SMYD3: variants seen among roughly 807,000 people sequenced by gnomAD.
SMYD3 encodes the protein SET and MYND domain containing 3.
SMYD3 carries 36 observed loss-of-function variants against 57.7 expected under a neutral mutation model. The observed-to-expected ratio is 0.62, with a 90% CI of 0.48 to 0.82. SMYD3 has a LOEUF of 0.82. Among genes scored for constraint, SMYD3 ranks in the 40% least tolerant of loss-of-function variants. The pLI is 0.00. For missense variants in SMYD3, 515 were observed against 538.8 expected, an observed-to-expected ratio of 0.96 and a Z score of 0.44; for synonymous variants, 211 against 195.0, an observed-to-expected ratio of 1.08 and a Z score of -0.68.
At chr1:246,108,536 A>G (rs932151869) in intron 5 of SMYD3, 1 of 152,190 alleles carries the variant, frequency 6.6e-6, no homozygotes, top group African/African-American at 2.4e-5. Flanking sequence ...TTCTGACATC[A>G]CAATCACTGC....
chr1:246,078,087 A>G (rs972346168), intron 5 of SMYD3, among the ~76,000 whole-genome samples: 2 of 152,140 alleles, frequency 1.3e-5, no homozygotes, highest in Admixed American at 6.5e-5. Flanking sequence ...TTGAAATAAT[A>G]TAAGTGCTCT....
chr1:246,490,001 C>CT (rs71968916), intron 1 of SMYD3, among the ~76,000 whole-genome samples: 59 of 92,286 alleles, frequency 6.4e-4, no homozygotes, highest in South Asian at 1.5e-3. Context: ...TAATTTTTTC[C>CT]TTTTTTTTTT....
At chr1:246,284,267 A>C (rs1308990651) in intron 5 of SMYD3, among the ~76,000 whole-genome samples, 1 of 152,178 alleles carries the variant, frequency 6.6e-6, no homozygotes, top group Admixed American at 6.5e-5. Flanking sequence ...CAGAACAAAG[A>C]AAGCAGCAGG....
At chr1:245,780,388 A>G (rs907647871) in intron 10 of SMYD3, among the ~76,000 whole-genome samples, 1 of 152,236 alleles carries the variant, frequency 6.6e-6, no homozygotes, top group Non-Finnish European at 1.5e-5. Flanking sequence ...ATGAACTTTA[A>G]AAACATTATG....
rs139162707 is a variant in SMYD3, at chr1:245,955,183, C to T, written c.532-25246G>A. ...CTCAGCTCACTGCAAGTTCCGCCTC[C>T]CGGGTTCACGCCATTCTCCTGCCTC... On this transcript the variant is annotated intron_variant, in intron 5 of 11. Coordinates refer to ENST00000490107, the MANE Select transcript of SMYD3 (RefSeq NM_001167740.2). Among the ~76,000 whole-genome samples the T allele has an allele frequency of 6.8e-3, 1,036 of 152,274 alleles. 19 individuals are homozygous for T. The highest frequency in any genetic ancestry group is 0.023 in the African/African-American group (971 of 41,556).
intron 5 of SMYD3, among the ~76,000 whole-genome samples, chr1:246,324,086 C>T (rs535389045): frequency 6.6e-6 from 1 of 152,244 alleles, no homozygotes; most frequent in Admixed American, 6.5e-5. Flanking sequence ...TAGAAAAGCT[C>T]TCAGAATTCC....
intron 1 of SMYD3, among the ~76,000 whole-genome samples, chr1:246,445,866 C>CA (rs1215880316): frequency 2.0e-3 from 267 of 135,188 alleles, no homozygotes; most frequent in Admixed American, 4.1e-3. Context: ...AAAAAAAAAA[C>CA]AAAAAAAAAA....
chr1:245,951,176 T>C (rs6689875), intron 5 of SMYD3, among the ~76,000 whole-genome samples: 30,898 of 151,414 alleles, frequency 0.2, 4,440 homozygotes, highest in East Asian at 0.47. Context: ...GATGGATAAT[T>C]TAAAATACCA....
intron 5 of SMYD3, among the ~76,000 whole-genome samples, chr1:246,231,635 A>G (rs1012878464): frequency 1.3e-5 from 2 of 152,228 alleles, no homozygotes; most frequent in Admixed American, 1.3e-4. Context: ...ATTTCATAAT[A>G]TCCTAGAGAT....
chr1:245,835,474 G>T (rs2148399687), intron 10 of SMYD3, among the ~76,000 whole-genome samples: 1 of 152,264 alleles, frequency 6.6e-6, no homozygotes, highest in South Asian at 2.1e-4. Context: ...GTAAAATGGG[G>T]ATAAAAATAC....
intron 10 of SMYD3, among the ~76,000 whole-genome samples, chr1:245,767,257 G>A (rs1159674033): frequency 1.3e-5 from 2 of 152,186 alleles, no homozygotes; most frequent in African/African-American, 4.8e-5. Flanking sequence ...GCAATCAGGT[G>A]TGTCCAAGGA....
At chr1:245,833,785 G>A (rs1040376337) in intron 10 of SMYD3, among the ~76,000 whole-genome samples, 23 of 152,198 alleles carry the variant, frequency 1.5e-4, no homozygotes, top group African/African-American at 2.4e-4. Context: ...CAACCTCAGC[G>A]TCCTGGCCAG....
At chr1:246,154,790 T>G (rs1009278929) in intron 5 of SMYD3, among the ~76,000 whole-genome samples, 7 of 132,744 alleles carry the variant, frequency 5.3e-5, no homozygotes, top group Non-Finnish European at 8.2e-5. Context: ...TTGTTTTTTG[T>G]TTTTTTTTTG....
At chr1:246,030,742 C>G (rs34465753) in intron 5 of SMYD3, among the ~76,000 whole-genome samples, 36,632 of 151,942 alleles carry the variant, frequency 0.24, 4,855 homozygotes, top group East Asian at 0.56. Context: ...TCACATAGAT[C>G]ATAAATACAA....
intron 5 of SMYD3, among the ~76,000 whole-genome samples, chr1:246,092,335 A>C (rs1038375772): frequency 1.3e-5 from 2 of 152,338 alleles, no homozygotes; most frequent in African/African-American, 4.8e-5. Context: ...ACCACAGGAG[A>C]ACTAGAAATA....
chr1:246,236,622 G>A (rs2063516459), intron 5 of SMYD3, among the ~76,000 whole-genome samples: 1 of 151,920 alleles, frequency 6.6e-6, no homozygotes, highest in African/African-American at 2.4e-5. Context: ...CACTGTGTTA[G>A]CCAGGATGGT....
At chr1:246,303,235 G>A (rs1391344903) in intron 5 of SMYD3, among the ~76,000 whole-genome samples, 9 of 152,156 alleles carry the variant, frequency 5.9e-5, no homozygotes, top group Admixed American at 5.9e-4. Flanking sequence ...TGTGAGGAGT[G>A]CATGAGTTGA....
At chr1:246,327,991 C>G (rs766363952) in intron 4 of SMYD3, among the ~76,000 whole-genome samples, 2 of 152,020 alleles carry the variant, frequency 1.3e-5, no homozygotes, top group South Asian at 2.1e-4. Context: ...GTCAGTAGTT[C>G]GAGAGCAGCC....
intron 5 of SMYD3, among the ~76,000 whole-genome samples, chr1:246,245,162 G>T (rs1250137589): frequency 1.6e-5 from 2 of 126,772 alleles, no homozygotes; most frequent in Admixed American, 1.6e-4. Flanking sequence ...CCAAGATGAA[G>T]TTTAAAAATA....
Sources: gnomAD v4.1 joint callset for allele counts (sites outside exome capture counted in the v4.1 genomes callset) on GRCh38, gnomAD v4.1.1 for gene constraint, MANE v1.5 for transcripts, NCBI Gene and HGNC (gene_info 2026-07-23, HGNC 2026-07-21) for gene names.